The following SPDYE1 variants were observed in gnomAD, a reference collection of about 807,000 sequenced individuals.
SPDYE1 encodes speedy protein E1.
A neutral mutation model predicts 45.9 loss-of-function variants in SPDYE1; 29 were observed. The ratio of observed to expected loss-of-function variants is 0.63; its 90% CI spans 0.47 to 0.86. The LOEUF is 0.86. SPDYE1 is among the 40% of genes least tolerant of loss of function. The pLI, the probability that SPDYE1 is intolerant of heterozygous loss-of-function variation, is 0.00. For synonymous variants in SPDYE1, 134 were observed against 176.8 expected (o/e 0.76, Z 1.92); for missense variants, 346 against 481.4 (o/e 0.72, Z 2.63).
rs2096075448 is a variant in SPDYE1 at position 44,008,873 on chromosome 7, G to T, written c.*252G>T. The T allele has an allele frequency of 3.8e-6, 2 of 523,146 alleles. No individual in the cohort carries two copies. Among genetic ancestry groups the T allele is most frequent in the Non-Finnish European group, 7.5e-6 (2 of 265,496 alleles). The allele number at this position is 523,146 out of a possible 1,614,324, so 32.4% of individuals were successfully genotyped here. On this transcript the variant is annotated 3_prime_UTR_variant, in exon 9 of 9. Transcript: ENST00000693451. ...GGATGGGGTCCTTCTAGGAGTCCTTGGAGAAAAGTAAGAAACCAGGAGTGT... is the reference window on the plus strand; with the variant it reads ...GGATGGGGTCCTTCTAGGAGTCCTTTGAGAAAAGTAAGAAACCAGGAGTGT...
chr7:44,000,567 G>A (rs1217803286), intron 2 of SPDYE1, among the ~76,000 whole-genome samples: 2 of 151,784 alleles, frequency 1.3e-5, no homozygotes, highest in Non-Finnish European at 2.9e-5. Context: ...CAAGGCAGGC[G>A]GATCACTTGA....
rs1484911722 is a variant in SPDYE1, at chr7:44,009,739, C to T, written c.*1118C>T. 2 of 151,002 alleles carry T rather than the reference C, an allele frequency of 1.3e-5. No homozygotes were observed. The highest frequency in any genetic ancestry group is 4.8e-5 in the African/African-American group (2 of 41,238). 9.4% of individuals were successfully genotyped at this position (151,002 alleles called of 1,614,324 possible). On this transcript the variant is annotated 3_prime_UTR_variant, in exon 9 of 9. Coordinates refer to ENST00000693451, the MANE Select transcript of SPDYE1 (RefSeq NM_001378423.2). ...GTGATGGTATTATAACTGTTATATA[C>T]ACATACATATAATTTTGTTTTCCTT...
chr7:44,004,412 G>C (rs1159161837), intron 5 of SPDYE1: 1 of 221,776 alleles, frequency 4.5e-6, no homozygotes, highest in Non-Finnish European at 8.9e-6. Context: ...CCCCAGGATG[G>C]AGTGCAGTGG....
At position 44,000,069 on chromosome 7, in the gene SPDYE1, C is replaced by A; in HGVS notation, c.120C>A (p.Pro40=). The part of the protein sequence containing the change: ...QSPQRSTSGY[P]LQEVVDDEVL... ...CCCAGCGGAGCACCTCGGGGTACCC[C>A]CTCCAGGAGGTGGTGGATGATGAAG... Residue 40 remains proline, a synonymous_variant, in exon 2 of 9, where the codon CCC becomes CCA. Transcript: ENST00000693451. The A allele has an allele frequency of 5.1e-6, 5 of 985,210 alleles. No individual in the cohort carries two copies. Among genetic ancestry groups the A allele is most frequent in the Non-Finnish European group, 6.0e-6 (5 of 829,882 alleles). 61.0% of individuals were successfully genotyped at this position (985,210 alleles called of 1,614,324 possible).
chr7:44,007,108 C>T, intron 6 of SPDYE1, 160 bp from the exon 7 acceptor site: 2 of 1,513,698 alleles, frequency 1.3e-6, no homozygotes, highest in Non-Finnish European at 1.8e-6. Context: ...GATCAGGTCT[C>T]TGTCCAGCAG....
rs1297465479 is a variant in SPDYE1 at position 43,997,897 on chromosome 7, A to G, written c.-485A>G. Among the ~76,000 whole-genome samples, 1 of 152,018 alleles carries G rather than the reference A, an allele frequency of 6.6e-6. No individual in the cohort carries two copies. Among genetic ancestry groups the G allele is most frequent in the Non-Finnish European group, 1.5e-5 (1 of 67,998 alleles). On this transcript the variant is annotated 5_prime_UTR_variant, in exon 1 of 9. Transcript: ENST00000693451. ...AGGGAGGTGCTTCCTGGTTCACCCC[A>G]CCCTCAGCAGAGACAGACCCCAGAT... is the stretch of plus-strand genomic sequence containing the variant.
chr7:44,007,487 G>A lies in SPDYE1; in HGVS notation c.972G>A (p.Arg324=). The change falls in exon 7 of 9, where the codon AGG becomes AGA. Residue 324 remains arginine, a synonymous_variant. Transcript: ENST00000693451. The stretch of plus-strand genomic sequence containing the variant: ...GCCGTTGCATGAACCCGAGGGCCAG[G>A]AAGAACCGCTCTCAGATAGTCCTGT... ...QLRRCMNPRA[R]KNRSQIVLFQ... 1 of 1,613,892 alleles carries A rather than the reference G, an allele frequency of 6.2e-7. No individual in the cohort carries two copies. The highest frequency in any genetic ancestry group is 8.5e-7 in the Non-Finnish European group (1 of 1,179,954).
rs765471723 is a variant in SPDYE1, at chr7:44,002,619, A to G, written c.409A>G (p.Arg137Gly). 5 of 1,596,568 alleles carry G rather than the reference A, an allele frequency of 3.1e-6. No individual in the cohort carries two copies. The highest frequency in any genetic ancestry group is 4.2e-6 in the Non-Finnish European group (5 of 1,179,608). The change falls in exon 4 of 9, where the codon AGG (arginine) becomes GGG (glycine). Residue 137 changes from arginine to glycine, a missense_variant. By Grantham distance (125) the Arg-to-Gly change is moderately radical (BLOSUM62 -2). Transcript: ENST00000693451. ...TGGGGTAGATCCCAGCCCCCCGCAT[A>G]GGTCCTTTTGCTGGAAAAGGAAGAT... ...APGVDPSPPH[R>G]SFCWKRKMEW...
intron 1 of SPDYE1, among the ~76,000 whole-genome samples, chr7:43,999,094 G>C (rs2096059140): frequency 6.6e-6 from 1 of 151,814 alleles, no homozygotes; most frequent in Non-Finnish European, 1.5e-5. Context: ...TTGATATATA[G>C]ACTAGAGTTT....
intron 5 of SPDYE1, chr7:44,004,205 TTG>T (rs1162463322): frequency 1.9e-6 from 1 of 514,058 alleles, no homozygotes; most frequent in Non-Finnish European, 3.5e-6. Context: ...TGGCTAATTT[TTG>T]TGTTTTTAGT....
chr7:44,000,703 A>C (rs957273270), intron 2 of SPDYE1, among the ~76,000 whole-genome samples: 7 of 151,498 alleles, frequency 4.6e-5, no homozygotes, highest in Admixed American at 1.3e-4. Flanking sequence ...GAGGCAGAAG[A>C]ATAAATGGAA....
At chr7:44,004,086 A>G in intron 5 of SPDYE1, 175 bp downstream of exon 5, 1 of 1,145,110 alleles carries the variant, frequency 8.7e-7, no homozygotes, top group Non-Finnish European at 1.2e-6. Context: ...CCCAGGCTGG[A>G]GGGCAGTGTC....
rs2096076398 is a variant in SPDYE1 at position 44,009,589 on chromosome 7, T to TTTTATTTATTTAAATATTTATTAAATATA, written c.*984_*1012dup. The TTTTATTTATTTAAATATTTATTAAATATA allele has an allele frequency of 6.7e-6, 1 of 148,512 alleles. No individual in the cohort carries two copies. Among genetic ancestry groups the TTTTATTTATTTAAATATTTATTAAATATA allele is most frequent in the East Asian group, 1.9e-4 (1 of 5,160 alleles). 9.2% of individuals were successfully genotyped at this position (148,512 alleles called of 1,614,324 possible). A position where few individuals can be genotyped will look rare whatever the true frequency, so the allele number is the denominator to read the frequency against. ...TGGGTATAGAATTATTTAAATATTA[T>TTTTATTTATTTAAATATTTATTAAATATA]TTTATTTATTTAAATATTTATTAAA... On this transcript the variant is annotated 3_prime_UTR_variant, in exon 9 of 9. Coordinates refer to ENST00000693451, the MANE Select transcript of SPDYE1 (RefSeq NM_001378423.2).
At chr7:44,005,931 G>A (rs1040557796) in intron 6 of SPDYE1, among the ~76,000 whole-genome samples, 10 of 151,932 alleles carry the variant, frequency 6.6e-5, no homozygotes, top group African/African-American at 2.2e-4. Context: ...CGCATCACTC[G>A]AATCCACTGT....
rs367686291 is a variant in SPDYE1, at chr7:44,002,764, G to A, written c.554G>A (p.Arg185Gln). Residue 185 changes from arginine (R) to glutamine (Q), a missense_variant, in exon 4 of 9, where the codon CGG (arginine) becomes CAG (glutamine). Around this residue, in one of 4 missense-constraint regions of SPDYE1, gnomAD observed 141 missense variants for 176.7 expected, o/e 0.80. Coordinates refer to ENST00000693451, the MANE Select transcript of SPDYE1 (RefSeq NM_001378423.2). ...LCGLKMKLKR[R>Q]RVSLVLPEHH... ...GGCCTCAAGATGAAGCTGAAGCGAC[G>A]GCGAGTGTCGCTCGTGCTCCCTGAG... 1.0e-4 allele frequency: 158 copies of A among 1,564,476 alleles called. No homozygotes were observed. Among genetic ancestry groups the A allele is most frequent in the Admixed American group, 1.3e-4 (7 of 54,410 alleles).
At position 43,999,527 on chromosome 7, in the gene SPDYE1, G is replaced by T. The variant is rs1237475868; in HGVS notation, c.-422-1G>T. On this transcript the variant is annotated splice_acceptor_variant, in intron 1 of 8. Transcript: ENST00000693451. LOFTEE classifies it low-confidence loss of function (5UTR_SPLICE). ...TCCCACTCTGTTCCCTCTCCCACCA[G>T]ACTGGACTCTGAAATGGGCACGTAC... Among the ~76,000 whole-genome samples, 1 of 152,058 alleles carries T rather than the reference G, an allele frequency of 6.6e-6. No homozygotes were observed. The highest frequency in any genetic ancestry group is 1.5e-5 in the Non-Finnish European group (1 of 68,032).
In SPDYE1 at chr7:44,007,548, A is replaced by G; in HGVS notation, c.1033A>G (p.Ser345Gly). The G allele has an allele frequency of 1.8e-5, 29 of 1,612,872 alleles. No homozygotes were observed. The highest frequency in any genetic ancestry group is 2.4e-5 in the Non-Finnish European group (28 of 1,179,962). The change falls in exon 7 of 9, where the codon AGC becomes GGC. Residue 345 changes from serine to glycine, a missense_variant. Around this residue, in one of 4 missense-constraint regions of SPDYE1, gnomAD observed 186 missense variants for 219.1 expected, o/e 0.85. Transcript: ENST00000693451. ...TCGGTTCCACTTCTTCTGTTCCATG[A>G]GCTGCAGGGCTTGGGTTTCCCCAGA... is the stretch of plus-strand genomic sequence containing the variant. ...KRRFHFFCSM[S>G]CRAWVSPEEL...
chr7:44,000,081 G>A lies in SPDYE1; in HGVS notation c.132G>A (p.Val44=). Reference sequence around the variant, plus strand: ...CCTCGGGGTACCCCCTCCAGGAGGTGGTGGATGATGAAGTGTTGGGACCAT... The same window carrying A: ...CCTCGGGGTACCCCCTCCAGGAGGTAGTGGATGATGAAGTGTTGGGACCAT... The part of the protein sequence containing the change: ...RSTSGYPLQE[V]VDDEVLGPSA... Residue 44 remains valine, a synonymous_variant, in exon 2 of 9, where the codon GTG becomes GTA. Coordinates refer to ENST00000693451, the MANE Select transcript of SPDYE1 (RefSeq NM_001378423.2). The A allele has an allele frequency of 4.1e-5, 40 of 985,090 alleles. No individual in the cohort carries two copies. Among genetic ancestry groups the A allele is most frequent in the Non-Finnish European group, 4.7e-5 (39 of 829,830 alleles). The allele number at this position is 985,090 out of a possible 1,614,324, so 61.0% of individuals were successfully genotyped here. A position where few individuals can be genotyped will look rare whatever the true frequency, so the allele number is the denominator to read the frequency against.
intron 2 of SPDYE1, among the ~76,000 whole-genome samples, chr7:44,000,599 C>T (rs2096061565): frequency 6.6e-6 from 1 of 151,478 alleles, no homozygotes; most frequent in African/African-American, 2.4e-5. Flanking sequence ...TGAGACCAGC[C>T]TGGCCAACAT....
Sources: allele counts gnomAD v4.1 joint callset (sites outside exome capture counted in the v4.1 genomes callset), GRCh38; gene constraint gnomAD v4.1.1; regional missense constraint gnomAD v4.1.1; transcripts MANE v1.5; gene names NCBI Gene and HGNC (gene_info 2026-07-23, HGNC 2026-07-21).